The following CCNY variants were observed in gnomAD, a reference collection of about 807,000 sequenced individuals.
CCNY encodes the protein cyclin-Y.
A neutral mutation model predicts 42.8 loss-of-function variants in CCNY; 19 were observed. That is an observed-to-expected ratio of 0.44 (90% CI 0.31 to 0.65). The LOEUF is 0.65. Among genes scored for constraint, CCNY ranks in the 30% least tolerant of loss-of-function variants. The pLI is 0.07. For missense variants in CCNY, 370 were observed against 437.3 expected (o/e 0.85, Z 1.37); for synonymous variants, 165 against 162.7 (o/e 1.01, Z -0.11).
intron 7 of CCNY, among the ~76,000 whole-genome samples, chr10:35,540,393 T>C (rs921327722): frequency 1.3e-5 from 2 of 152,366 alleles, no homozygotes; most frequent in South Asian, 4.1e-4. Context: ...CCGGGATAAT[T>C]CCCAGTTGGT....
intron 1 of CCNY, among the ~76,000 whole-genome samples, chr10:35,463,258 A>T (rs1395254311): frequency 3.9e-5 from 6 of 152,212 alleles, no homozygotes; most frequent in Non-Finnish European, 8.8e-5. Context: ...TGTTTTAGAG[A>T]GTGTCTGTGA....
intron 1 of CCNY, among the ~76,000 whole-genome samples, chr10:35,476,266 G>A (rs1839507670): frequency 6.6e-6 from 1 of 152,058 alleles, no homozygotes; most frequent in Non-Finnish European, 1.5e-5. Context: ...ATTGAACTCG[G>A]CTCTGCACCA....
intron 1 of CCNY, among the ~76,000 whole-genome samples, chr10:35,404,612 A>G (rs746810147): frequency 6.6e-6 from 1 of 152,220 alleles, no homozygotes; most frequent in South Asian, 2.1e-4. Context: ...TTTACCTTCC[A>G]CTGTAAGAGT....
chr10:35,465,224 G>C (rs1234194573), intron 1 of CCNY, among the ~76,000 whole-genome samples: 8 of 152,062 alleles, frequency 5.3e-5, no homozygotes, highest in Non-Finnish European at 1.5e-5. Context: ...ATGGTAGGGC[G>C]AGTACTGTTC....
intron 2 of CCNY, among the ~76,000 whole-genome samples, chr10:35,486,324 A>G (rs757280289): frequency 1.6e-4 from 25 of 152,222 alleles, no homozygotes; most frequent in Non-Finnish European, 3.4e-4. Context: ...GCTGCAAATC[A>G]GAGCATTTTT....
At chr10:35,563,229 A>G (rs551115912) in intron 8 of CCNY, among the ~76,000 whole-genome samples, 2 of 152,306 alleles carry the variant, frequency 1.3e-5, no homozygotes, top group African/African-American at 2.4e-5. Flanking sequence ...TGAAAATACA[A>G]CAGCTCTAAA....
At chr10:35,433,809 A>G (rs1838467058) in intron 1 of CCNY, among the ~76,000 whole-genome samples, 1 of 152,166 alleles carries the variant, frequency 6.6e-6, no homozygotes, top group African/African-American at 2.4e-5. Flanking sequence ...GAGTTTCACC[A>G]TGTTGGCCAG....
intron 1 of CCNY, among the ~76,000 whole-genome samples, chr10:35,461,708 C>G (rs1182161902): frequency 6.6e-6 from 1 of 152,162 alleles, no homozygotes; most frequent in Non-Finnish European, 1.5e-5. Context: ...AACCCAAGGT[C>G]TCTTTTGCTG....
intron 2 of CCNY, among the ~76,000 whole-genome samples, chr10:35,484,882 G>T (rs1839751838): frequency 6.6e-6 from 1 of 152,214 alleles, no homozygotes; most frequent in Non-Finnish European, 1.5e-5. Context: ...AGGCCTCTAA[G>T]TGGATTTCCC....
chr10:35,529,516 A>T (rs746638722), intron 5 of CCNY, among the ~76,000 whole-genome samples: 22 of 152,202 alleles, frequency 1.4e-4, no homozygotes, highest in Non-Finnish European at 2.9e-4. Flanking sequence ...TATTGCACCC[A>T]AGAAAAATCA....
chr10:35,484,820 A>G (rs970340935), intron 2 of CCNY, among the ~76,000 whole-genome samples: 1 of 152,254 alleles, frequency 6.6e-6, no homozygotes, highest in African/African-American at 2.4e-5. Flanking sequence ...CTCAGAGTGC[A>G]GACCAACTTC....
chr10:35,569,026 G>A (rs1049122415), intron 9 of CCNY, 28 bp from the exon 10 acceptor site: 1 of 1,469,148 alleles, frequency 6.8e-7, no homozygotes, highest in African/African-American at 1.4e-5. Context: ...GGCCCGCCCT[G>A]ACCCACACTG....
At chr10:35,554,131 C>T (rs893604919) in intron 8 of CCNY, among the ~76,000 whole-genome samples, 1 of 152,130 alleles carries the variant, frequency 6.6e-6, no homozygotes. Context: ...TCCTCAGATG[C>T]AGGACCTTCC....
At chr10:35,522,012 A>G (rs571960541) in intron 4 of CCNY, among the ~76,000 whole-genome samples, 3 of 152,320 alleles carry the variant, frequency 2.0e-5, no homozygotes, top group African/African-American at 7.2e-5. Flanking sequence ...TTCTAAAGAC[A>G]GGTCCAAAAA....
chr10:35,329,330 T>C (rs1443854733), intron 3 of CCNY, among the ~76,000 whole-genome samples: 1 of 152,048 alleles, frequency 6.6e-6, no homozygotes, highest in African/African-American at 2.4e-5. Flanking sequence ...GATGGGTGGA[T>C]CACAAGGTCA....
At chr10:35,365,220 G>A (rs560088300) in intron 1 of CCNY, among the ~76,000 whole-genome samples, 2 of 152,236 alleles carry the variant, frequency 1.3e-5, no homozygotes, top group South Asian at 4.1e-4. Flanking sequence ...TTCACTGGAG[G>A]ACTTTTGAAA....
intron 3 of CCNY, among the ~76,000 whole-genome samples, chr10:35,255,647 T>G (rs2095714951): frequency 6.6e-6 from 1 of 152,114 alleles, no homozygotes; most frequent in South Asian, 2.1e-4. Flanking sequence ...CAGGCTGGAG[T>G]GCAGTGGCAT....
At chr10:35,309,087 G>C (rs1199223735) in intron 3 of CCNY, among the ~76,000 whole-genome samples, 1 of 152,182 alleles carries the variant, frequency 6.6e-6, no homozygotes, top group Non-Finnish European at 1.5e-5. Context: ...GGTATATGGG[G>C]GAGTCCAAGC....
At position 35,571,698 on chromosome 10, in the gene CCNY, A is replaced by G. The variant is rs1841688900; in HGVS notation, c.*2528A>G. The G allele has an allele frequency of 6.6e-6, 1 of 152,372 alleles. No homozygotes were observed. Among genetic ancestry groups the G allele is most frequent in the African/African-American group, 2.4e-5 (1 of 41,474 alleles). The allele number at this position is 152,372 out of a possible 1,614,324, so 9.4% of individuals were successfully genotyped here. A position where few individuals can be genotyped will look rare whatever the true frequency, so the allele number is the denominator to read the frequency against. ...TTCAAAGTTTGCCAAAAGAAAACAC[A>G]AAACCAGTACAGTACTTACTGATAA... On this transcript the variant is annotated 3_prime_UTR_variant, in exon 10 of 10. Transcript: ENST00000374704.
Sources: gnomAD v4.1 joint callset for allele counts (sites outside exome capture counted in the v4.1 genomes callset) on GRCh38, gnomAD v4.1.1 for gene constraint, MANE v1.5 for transcripts, NCBI Gene and HGNC (gene_info 2026-07-23, HGNC 2026-07-21) for gene names.